Variants in GULP1 observed in about 807,000 individuals in gnomAD.
GULP1 encodes the protein PTB domain-containing engulfment adapter protein 1.
A neutral mutation model predicts 40.9 loss-of-function variants in GULP1; 19 were observed. The ratio of observed to expected loss-of-function variants is 0.46; its 90% CI spans 0.32 to 0.68. GULP1 has a LOEUF of 0.68. Among genes scored for constraint, GULP1 ranks in the 30% least tolerant of loss-of-function variants. The probability of loss-of-function intolerance (pLI) is 0.03; values close to 1 mark genes in which losing one functional copy is unlikely to be tolerated. For missense variants in GULP1, 312 were observed against 362.2 expected (o/e 0.86, Z 1.12); for synonymous variants, 119 against 117.6 (o/e 1.01, Z -0.08).
At chr2:188,341,529 CTT>C (rs1252793190) in intron 1 of GULP1, among the ~76,000 whole-genome samples, 1 of 152,050 alleles carries the variant, frequency 6.6e-6, no homozygotes, top group Non-Finnish European at 1.5e-5. Context: ...TTGATACTGT[CTT>C]ATTTAATACC....
At chr2:188,553,151 G>C (rs532322353) in intron 7 of GULP1, among the ~76,000 whole-genome samples, 10 of 151,920 alleles carry the variant, frequency 6.6e-5, no homozygotes, top group African/African-American at 2.4e-4. Flanking sequence ...TTGACTTCCT[G>C]TTTTCCAATT....
intron 11 of GULP1, chr2:188,593,525 A>G (rs1704000224): frequency 6.5e-6 from 1 of 152,944 alleles, no homozygotes; most frequent in South Asian, 2.0e-4. Context: ...AACCAGGAAT[A>G]AGGTGAAAAT....
intron 7 of GULP1, among the ~76,000 whole-genome samples, chr2:188,548,253 T>C (rs1256760278): frequency 3.3e-5 from 5 of 152,128 alleles, no homozygotes; most frequent in Admixed American, 3.3e-4. Context: ...TTTCTGGATT[T>C]AATAAATGAG....
intron 2 of GULP1, among the ~76,000 whole-genome samples, chr2:188,398,499 T>A (rs988716004): frequency 6.6e-6 from 1 of 152,254 alleles, no homozygotes; most frequent in Non-Finnish European, 1.5e-5. Flanking sequence ...TTGTTTTTTA[T>A]TTAATGAAGA....
intron 1 of GULP1, among the ~76,000 whole-genome samples, chr2:188,316,919 C>A (rs1326339513): frequency 6.6e-6 from 1 of 152,120 alleles, no homozygotes. Flanking sequence ...AATTCAAGAT[C>A]TCATTTCCTT....
intron 1 of GULP1, among the ~76,000 whole-genome samples, chr2:188,355,019 C>G (rs1033082856): frequency 6.6e-6 from 1 of 151,944 alleles, no homozygotes. Context: ...CACAACATAC[C>G]AAAACCTATG....
At chr2:188,500,532 T>G (rs2063336965) in intron 4 of GULP1, among the ~76,000 whole-genome samples, 1 of 151,902 alleles carries the variant, frequency 6.6e-6, no homozygotes, top group Admixed American at 6.6e-5. Context: ...TTAATAATCT[T>G]TTGTACTGGT....
At chr2:188,299,459 T>A (rs944092683) in intron 1 of GULP1, among the ~76,000 whole-genome samples, 1 of 152,186 alleles carries the variant, frequency 6.6e-6, no homozygotes, top group Admixed American at 6.5e-5. Flanking sequence ...TTCAATGAGA[T>A]TTTGTCTTTA....
At chr2:188,530,956 A>G (rs1687386264) in intron 6 of GULP1, among the ~76,000 whole-genome samples, 1 of 152,224 alleles carries the variant, frequency 6.6e-6, no homozygotes, top group Non-Finnish European at 1.5e-5. Context: ...TCAGTATAAA[A>G]GCCAAAAGAG....
intron 4 of GULP1, among the ~76,000 whole-genome samples, chr2:188,493,772 A>G (rs564110227): frequency 6.6e-6 from 1 of 152,186 alleles, no homozygotes; most frequent in African/African-American, 2.4e-5. Context: ...TGGTTTACAT[A>G]AAAGAACACC....
At chr2:188,336,942 A>G (rs1172744979) in intron 1 of GULP1, among the ~76,000 whole-genome samples, 2 of 152,136 alleles carry the variant, frequency 1.3e-5, no homozygotes, top group African/African-American at 4.8e-5. Context: ...TAATTTTTTC[A>G]TATCTTTGAT....
At chr2:188,467,482 T>G (rs1050778518) in intron 2 of GULP1, among the ~76,000 whole-genome samples, 10 of 152,174 alleles carry the variant, frequency 6.6e-5, no homozygotes, top group Admixed American at 3.9e-4. Flanking sequence ...GGCAGTTTTA[T>G]TTAATATATC....
In GULP1 at chr2:188,438,246, T is replaced by G. The variant is rs1384648977; in HGVS notation, c.-44-39413T>G. Among the ~76,000 whole-genome samples, 4 of 152,094 alleles carry G rather than the reference T, an allele frequency of 2.6e-5. No homozygotes were observed. In the East Asian group the frequency reaches 7.7e-4, roughly 29 times the overall value. On this transcript the variant is annotated intron_variant, in intron 2 of 11. Coordinates refer to ENST00000409830, the MANE Select transcript of GULP1 (RefSeq NM_016315.4). ...GTGCAAATGCATTTCAGCCCCCAAC[T>G]TGCACTTGCATTTCATCTTCCAACA...
At chr2:188,308,293 A>G (rs184154910) in intron 1 of GULP1, among the ~76,000 whole-genome samples, 11 of 152,300 alleles carry the variant, frequency 7.2e-5, no homozygotes, top group Admixed American at 6.5e-4. Flanking sequence ...CATCATTTCC[A>G]TCAAGGGCTA....
chr2:188,433,348 G>C (rs1465668439), intron 2 of GULP1, among the ~76,000 whole-genome samples: 2 of 152,162 alleles, frequency 1.3e-5, no homozygotes, highest in African/African-American at 4.8e-5. Context: ...GAACTGAGAA[G>C]CTCAGTCTGT....
intron 7 of GULP1, among the ~76,000 whole-genome samples, chr2:188,546,948 A>G (rs970678826): frequency 2.6e-5 from 4 of 152,020 alleles, no homozygotes; most frequent in African/African-American, 9.7e-5. Flanking sequence ...CAAAAATACA[A>G]ATAAATTGGA....
intron 2 of GULP1, among the ~76,000 whole-genome samples, chr2:188,410,899 C>T (rs958001289): frequency 1.3e-5 from 2 of 152,148 alleles, no homozygotes; most frequent in Non-Finnish European, 2.9e-5. Context: ...CAGCCTAATC[C>T]TTACCTTGAG....
At chr2:188,526,668 G>A (rs183265605) in intron 5 of GULP1, among the ~76,000 whole-genome samples, 4 of 152,206 alleles carry the variant, frequency 2.6e-5, no homozygotes, top group Admixed American at 6.5e-5. Context: ...ATAACCTTAG[G>A]CATGAGAGTT....
At chr2:188,565,491 A>G (rs1251203834) in intron 7 of GULP1, among the ~76,000 whole-genome samples, 1 of 152,066 alleles carries the variant, frequency 6.6e-6, no homozygotes, top group Non-Finnish European at 1.5e-5. Flanking sequence ...ACATTACTAT[A>G]GCATCACTCA....
Sources: gnomAD v4.1 joint callset for allele counts (sites outside exome capture counted in the v4.1 genomes callset) on GRCh38, gnomAD v4.1.1 for gene constraint, MANE v1.5 for transcripts, NCBI Gene and HGNC (gene_info 2026-07-23, HGNC 2026-07-21) for gene names.